The following CTSD variants were observed in gnomAD, a reference collection of about 807,000 sequenced individuals.
CTSD encodes cathepsin D.
In CTSD, 28 loss-of-function variants were observed where a neutral mutation model predicts 43.6. That is an observed-to-expected ratio of 0.64 (90% confidence interval 0.48 to 0.88). The LOEUF (loss-of-function observed/expected upper bound fraction) is 0.88. CTSD is among the 40% of genes least tolerant of loss of function. CTSD has a pLI of 0.00. For synonymous variants in CTSD, 270 were observed against 249.8 expected, an observed-to-expected ratio of 1.08 and a Z score of -0.76; for missense variants, 485 against 555.2, an observed-to-expected ratio of 0.87 and a Z score of 1.27.
chr11:1,757,333 T>C lies in CTSD; in HGVS notation c.695A>G (p.Tyr232Cys). ...GAACCCACACGCCCACCTGCTCAGG[T>C]AGAAGGAGAAGATGTTCTGGTCCAC... is the stretch of plus-strand genomic sequence containing the variant. The part of the protein sequence containing the change: ...KLVDQNIFSF[Y>C]LSRDPDAQPG... The change falls in exon 5 of 9, where the codon TAC becomes TGC. Residue 232 changes from tyrosine (Y) to cysteine (C), a missense_variant. Physicochemically the swap from Tyr to Cys is radical, Grantham distance 194. Transcript: ENST00000236671. 1 of 1,613,426 alleles carries C rather than the reference T, an allele frequency of 6.2e-7. No homozygotes were observed. The highest frequency in any genetic ancestry group is 8.5e-7 in the Non-Finnish European group (1 of 1,179,678).
At chr11:1,761,942 A>C (rs1590909036) in intron 1 of CTSD, 1 of 195,294 alleles carries the variant, frequency 5.1e-6, no homozygotes, top group African/African-American at 2.4e-5. Flanking sequence ...CCTGCTCTCC[A>C]CCCCCAGACA....
At chr11:1,754,205 C>A (rs1443162064) in intron 6 of CTSD, 67 bp from the exon 7 acceptor site, 1 of 1,547,662 alleles carries the variant, frequency 6.5e-7, no homozygotes, top group Admixed American at 1.8e-5. Context: ...CAGTGCCCCT[C>A]CCTGGGAGCC....
At chr11:1,755,521 G>A (rs1013544819) in intron 5 of CTSD, among the ~76,000 whole-genome samples, 4 of 152,156 alleles carry the variant, frequency 2.6e-5, no homozygotes, top group Non-Finnish European at 5.9e-5. Flanking sequence ...AGCCACGTCC[G>A]CTCATCTCCC....
rs200047861 is a variant in CTSD at position 1,754,157 on chromosome 11, T to G, written c.828-19A>C. 1,309 of 1,604,358 alleles carry G rather than the reference T, an allele frequency of 8.2e-4. 10 individuals are homozygous for G. In the African/African-American group the frequency reaches 0.015, roughly 18 times the overall value. On this transcript the variant is annotated intron_variant, in intron 6 of 8. Transcript: ENST00000236671. ...CTCCACCCTGCGGGGAGTCAGGGCG[T>G]GAAGCCCCTGCCGGGACTGGAGTGT...
At position 1,754,638 on chromosome 11, in the gene CTSD, C is replaced by T. The variant is rs373902346; in HGVS notation, c.827+268G>A. Among the ~76,000 whole-genome samples, 67 of 120,846 alleles carry T rather than the reference C, an allele frequency of 5.5e-4. 1 individual carries two copies. The East Asian group carries it at 0.014, about 25-fold the overall frequency. 79.3% of individuals were successfully genotyped at this position (120,846 alleles called of 152,430 possible). A position where few individuals can be genotyped will look rare whatever the true frequency, so the allele number is the denominator to read the frequency against. ...GGGATGGAGGGCATGGAGGGATGGACAGAAGGGATGGTGGGTCATGGAGAG... is the reference window on the plus strand; with the variant it reads ...GGGATGGAGGGCATGGAGGGATGGATAGAAGGGATGGTGGGTCATGGAGAG... On this transcript the variant is annotated intron_variant, in intron 6 of 8. Coordinates refer to ENST00000236671, the MANE Select transcript of CTSD (RefSeq NM_001909.5).
chr11:1,761,747 C>T, intron 1 of CTSD: 1 of 526,518 alleles, frequency 1.9e-6, no homozygotes, highest in Non-Finnish European at 3.5e-6. Context: ...CCAGTGTGCC[C>T]AACCCTCCTC....
chr11:1,755,509 C>T (rs1042660188), intron 5 of CTSD, among the ~76,000 whole-genome samples: 5 of 152,170 alleles, frequency 3.3e-5, no homozygotes, highest in East Asian at 1.9e-4. Context: ...CCTGCATCCC[C>T]GAGCCACGTC....
In CTSD at chr11:1,755,043, G is replaced by T. The variant is rs1845793366; in HGVS notation, c.705-15C>A. On this transcript the variant is annotated splice_polypyrimidine_tract_variant and intron_variant, in intron 5 of 8. Coordinates refer to ENST00000236671, the MANE Select transcript of CTSD (RefSeq NM_001909.5). ...CATCTGGGTCCCTAGGAGGAAAAGG[G>T]AGGAGTCAGCTGCCACGCCACCCCC... 2 of 1,613,626 alleles carry T rather than the reference G, an allele frequency of 1.2e-6. No homozygotes were observed. The highest frequency in any genetic ancestry group is 1.3e-5 in the African/African-American group (1 of 75,010).
intron 1 of CTSD, chr11:1,763,148 T>C (rs1845903444): frequency 6.6e-6 from 1 of 152,434 alleles, no homozygotes; most frequent in Non-Finnish European, 1.5e-5. Flanking sequence ...GCCCAATCGG[T>C]GGCCTCACCT....
At chr11:1,754,202 C>T in intron 6 of CTSD, 64 bp from the exon 7 acceptor site, 3 of 1,561,984 alleles carry the variant, frequency 1.9e-6, no homozygotes, top group Non-Finnish European at 2.6e-6. Context: ...GCCCAGTGCC[C>T]CTCCCTGGGA....
Position 1,761,464 on chromosome 11 carries a change from G to A in CTSD, c.73C>T (p.Pro25Ser), listed in dbSNP as rs769626991. 1.2e-6 allele frequency: 2 copies of A among 1,613,690 alleles called. No homozygotes were observed. Among genetic ancestry groups the A allele is most frequent in the Admixed American group, 1.7e-5 (1 of 60,008 alleles). The change falls in exon 2 of 9, where the codon CCG (proline) becomes TCG (serine). Residue 25 changes from proline (P) to serine (S), a missense_variant. Physicochemically the swap from Pro to Ser is moderately conservative, Grantham distance 74. Coordinates refer to ENST00000236671, the MANE Select transcript of CTSD (RefSeq NM_001909.5). The part of the protein sequence containing the change: ...AAPASALVRI[P>S]LHKFTSIRRT... ...CGGATGGACGTGAACTTGTGCAGCG[G>A]GATCCTGTCAACCACGGGTCGGGGC...
chr11:1,757,654 C>CGTGTGTGGGATGGG, intron 4 of CTSD, 98 bp from the exon 5 acceptor site: 1 of 1,007,122 alleles, frequency 9.9e-7, no homozygotes, highest in Non-Finnish European at 1.5e-6. Flanking sequence ...GGATGCCCAT[C>CGTGTGTGGGATGGG]CCACACACGA....
chr11:1,754,561 G>GATGGAGGA (rs1430440285), intron 6 of CTSD, among the ~76,000 whole-genome samples: 3 of 131,376 alleles, frequency 2.3e-5, no homozygotes, highest in African/African-American at 1.0e-4. Context: ...GGGATGGAGG[G>GATGGAGGA]ATGGAGGAGA....
chr11:1,754,150 CAG>C lies in CTSD; in HGVS notation c.828-14_828-13del, dbSNP rs796052395. ...TGGCCACCTCCACCCTGCGGGGAGT[CAG>C]GGCGTGAAGCCCCTGCCGGGACTGG... is the stretch of plus-strand genomic sequence containing the variant. On this transcript the variant is annotated splice_polypyrimidine_tract_variant and intron_variant, in intron 6 of 8. Coordinates refer to ENST00000236671, the MANE Select transcript of CTSD (RefSeq NM_001909.5). The C allele has an allele frequency of 1.1e-5, 18 of 1,606,500 alleles. No homozygotes were observed. Among genetic ancestry groups the C allele is most frequent in the Non-Finnish European group, 1.4e-5 (17 of 1,179,168 alleles).
chr11:1,754,203 C>T (rs956390748), intron 6 of CTSD, 65 bp from the exon 7 acceptor site: 23 of 1,559,516 alleles, frequency 1.5e-5, no homozygotes, highest in Non-Finnish European at 1.7e-5. Flanking sequence ...CCCAGTGCCC[C>T]TCCCTGGGAG....
chr11:1,761,852 C>T, intron 1 of CTSD: 1 of 353,768 alleles, frequency 2.8e-6, no homozygotes, highest in Non-Finnish European at 5.5e-6. Context: ...GCCAGCATGG[C>T]TGCTCAGGGT....
Position 1,759,540 on chromosome 11 carries a change from A to G in CTSD, c.328T>C (p.Cys110Arg). 1 of 1,613,602 alleles carries G rather than the reference A, an allele frequency of 6.2e-7. No homozygotes were observed. Among genetic ancestry groups the G allele is most frequent in the Non-Finnish European group, 8.5e-7 (1 of 1,179,988 alleles). The stretch of plus-strand genomic sequence containing the variant: ...CAGCAAGCGATGTCCAGCAGTTTGC[A>G]GTGGATGGAGGGGACCCACAGGTTG... ...SSNLWVPSIH[C>R]KLLDIACWIH... Residue 110 changes from cysteine to arginine, a missense_variant, in exon 3 of 9, where the codon TGC becomes CGC. By Grantham distance (180) the Cys-to-Arg change is radical. Coordinates refer to ENST00000236671, the MANE Select transcript of CTSD (RefSeq NM_001909.5).
Position 1,763,818 on chromosome 11 carries a change from C to G in CTSD, c.42G>C (p.Leu14=). Residue 14 remains leucine, a synonymous_variant, in exon 1 of 9, where the codon CTG becomes CTC. Transcript: ENST00000236671. ...SSLLPLALCL[L]AAPASALVRI... is the part of the protein sequence containing the mutation. The stretch of plus-strand genomic sequence containing the variant: ...TGACGAGCGCGGAGGCGGGTGCAGC[C>G]AGCAGGCAGAGGGCGAGCGGCAGAA... 3.9e-6 allele frequency: 6 copies of G among 1,527,944 alleles called. No individual in the cohort carries two copies. Among genetic ancestry groups the G allele is most frequent in the Non-Finnish European group, 5.2e-6 (6 of 1,143,284 alleles). The allele number at this position is 1,527,944 out of a possible 1,614,324, so 94.6% of individuals were successfully genotyped here.
chr11:1,757,598 G>T, intron 4 of CTSD, 42 bp from the exon 5 acceptor site: 1 of 1,485,804 alleles, frequency 6.7e-7, no homozygotes, highest in Non-Finnish European at 9.2e-7. Flanking sequence ...GACAGGCTGA[G>T]CCCTACACCA....
Sources: allele counts gnomAD v4.1 joint callset (sites outside exome capture counted in the v4.1 genomes callset), GRCh38; gene constraint gnomAD v4.1.1; transcripts MANE v1.5; gene names NCBI Gene and HGNC (gene_info 2026-07-23, HGNC 2026-07-21).